The following IL2RA variants were observed in gnomAD, a reference collection of about 807,000 sequenced individuals.
IL2RA encodes the protein interleukin 2 receptor subunit alpha, also known as interleukin-2 receptor subunit alpha.
IL2RA carries 24 observed loss-of-function variants against 37.8 expected under a neutral mutation model. The ratio of observed to expected loss-of-function variants is 0.63; its 90% CI spans 0.46 to 0.89. The LOEUF (loss-of-function observed/expected upper bound fraction) is 0.89, where lower values mean the gene tolerates loss of function less well. Ranked by LOEUF, IL2RA falls within the 40% of genes least tolerant of loss-of-function variation. The pLI is 0.00. For synonymous variants in IL2RA, 125 were observed against 114.6 expected, an observed-to-expected ratio of 1.09 and a Z score of -0.58; for missense variants, 319 against 348.6, an observed-to-expected ratio of 0.92 and a Z score of 0.68.
In IL2RA at chr10:6,019,901, C is replaced by T. The variant is rs367926771; in HGVS notation, c.624G>A (p.Glu208=). 1 of 1,614,206 alleles carries T rather than the reference C, an allele frequency of 6.2e-7. No individual in the cohort carries two copies. Among genetic ancestry groups the T allele is most frequent in the Non-Finnish European group, 8.5e-7 (1 of 1,180,014 alleles). ...KPQASPEGRP[E]SETSCLVTTT... is the part of the protein sequence containing the mutation. Reference sequence around the variant, plus strand: ...TTGTGACGAGGCAGGAAGTCTCACTCTCAGGACGGCCTTCGGGGCTTGCCT... The same window carrying T: ...TTGTGACGAGGCAGGAAGTCTCACTTTCAGGACGGCCTTCGGGGCTTGCCT... The change falls in exon 5 of 8, where the codon GAG becomes GAA. Residue 208 remains glutamate (E), a synonymous_variant. Coordinates refer to ENST00000379959, the MANE Select transcript of IL2RA (RefSeq NM_000417.3).
intron 1 of IL2RA, among the ~76,000 whole-genome samples, chr10:6,053,195 G>T (rs1423726261): frequency 6.6e-6 from 1 of 152,214 alleles, no homozygotes; most frequent in African/African-American, 2.4e-5. Flanking sequence ...AAAAAGGCAG[G>T]TTCTGGAATG....
intron 1 of IL2RA, among the ~76,000 whole-genome samples, chr10:6,032,662 C>T (rs1839617405): frequency 6.7e-6 from 1 of 148,332 alleles, no homozygotes; most frequent in Admixed American, 6.8e-5. Context: ...CACTGCACTC[C>T]AGCCTGGGTG....
Position 6,036,087 on chromosome 10 carries a change from T to A in IL2RA, c.65-10062A>T, listed in dbSNP as rs1026634054. On this transcript the variant is annotated intron_variant, in intron 1 of 7. Transcript: ENST00000379959. The surrounding 1 kb of genome is among the most constrained non-coding windows in gnomAD (Gnocchi z 6.1). Reference sequence around the variant, plus strand: ...GGTCTGGGAGAACAGAGGGTGCAGGTGAAGGGCCCTCGACAATGCTTCTCT... The same window carrying A: ...GGTCTGGGAGAACAGAGGGTGCAGGAGAAGGGCCCTCGACAATGCTTCTCT... 6.6e-6 allele frequency: 1 copy of A among 152,240 alleles called. No homozygotes were observed. The allele number at this position is 152,240 out of a possible 1,614,324, so 9.4% of individuals were successfully genotyped here. A position where few individuals can be genotyped will look rare whatever the true frequency, so the allele number is the denominator to read the frequency against.
intron 1 of IL2RA, among the ~76,000 whole-genome samples, chr10:6,051,817 C>CTATATATTTATATATATATA (rs1403643320): frequency 5.9e-5 from 2 of 33,664 alleles, no homozygotes; most frequent in African/African-American, 1.8e-4. Context: ...TCATGCCCAG[C>CTATATATTTATATATATATA]TATATATATA....
chr10:6,013,109 T>G (rs774629170), intron 7 of IL2RA, among the ~76,000 whole-genome samples: 18 of 152,204 alleles, frequency 1.2e-4, no homozygotes, highest in Non-Finnish European at 1.8e-4. Context: ...ATTACAGGTG[T>G]GAGCCACTGT....
rs181357994 is a variant in IL2RA, at chr10:6,012,411, G to A, written c.*461C>T. 1 of 172,358 alleles carries A rather than the reference G, an allele frequency of 5.8e-6. No homozygotes were observed. The highest frequency in any genetic ancestry group is 5.7e-5 in the Admixed American group (1 of 17,498). The allele number at this position is 172,358 out of a possible 1,614,324, so 10.7% of individuals were successfully genotyped here. On this transcript the variant is annotated 3_prime_UTR_variant, in exon 8 of 8. Transcript: ENST00000379959. This position sits in a 1 kb window ranked among gnomAD's most constrained non-coding sequence, Gnocchi z 4.8. The stretch of plus-strand genomic sequence containing the variant: ...CTGAGAAAGGAACCACGCAGACAAT[G>A]TCCAGTTGTATAGGGTAGAGTGTGT...
Position 6,021,821 on chromosome 10 carries a change from A to G in IL2RA, c.368-128T>C, listed in dbSNP as rs12722694. 9.4e-4 allele frequency: 726 copies of G among 768,620 alleles called. 5 individuals are homozygous for G. In the African/African-American group the frequency reaches 0.011, roughly 11 times the overall value. The allele number at this position is 768,620 out of a possible 1,614,324, so 47.6% of individuals were successfully genotyped here. On this transcript the variant is annotated intron_variant, in intron 3 of 7. Coordinates refer to ENST00000379959, the MANE Select transcript of IL2RA (RefSeq NM_000417.3). The surrounding 1 kb of genome is among the most constrained non-coding windows in gnomAD (Gnocchi z 4.9). ...GACTGCTTGCTCATCCTTTCATTCA[A>G]CCAATATATGTTGAGAACGTCTGAG...
intron 1 of IL2RA, among the ~76,000 whole-genome samples, chr10:6,051,108 G>A (rs1839948157): frequency 6.6e-6 from 1 of 151,532 alleles, no homozygotes; most frequent in South Asian, 2.1e-4. Context: ...AATATAAGGA[G>A]TTTTCTCCTT....
Position 6,018,509 on chromosome 10 carries a change from G to A in IL2RA, c.728-390C>T, listed in dbSNP as rs1397316162. Among the ~76,000 whole-genome samples the A allele has an allele frequency of 6.6e-6, 1 of 152,136 alleles. No homozygotes were observed. The highest frequency in any genetic ancestry group is 1.5e-5 in the Non-Finnish European group (1 of 68,016). On this transcript the variant is annotated intron_variant, in intron 6 of 7. Coordinates refer to ENST00000379959, the MANE Select transcript of IL2RA (RefSeq NM_000417.3). This position sits in a 1 kb window ranked among gnomAD's most constrained non-coding sequence, Gnocchi z 5.1. Reference sequence around the variant, plus strand: ...GGTTTTCCAGATGCTGCTCTGCTGAGGTTTTGGAGGCTGACATTTGTTTAC... The same window carrying A: ...GGTTTTCCAGATGCTGCTCTGCTGAAGTTTTGGAGGCTGACATTTGTTTAC...
In IL2RA at chr10:6,021,639, T is replaced by C. The variant is rs1196655587; in HGVS notation, c.422A>G (p.His141Arg). 1.2e-6 allele frequency: 2 copies of C among 1,614,056 alleles called. No individual in the cohort carries two copies. Among genetic ancestry groups the C allele is most frequent in the Middle Eastern group, 1.6e-4 (1 of 6,062 alleles). ...WENEATERIYHFVVGQMVYYQ... is the reference protein window; with the variant it reads ...WENEATERIYRFVVGQMVYYQ... ...ATAAACCATCTGCCCCACCACGAAA[T>C]GATAAATTCTCTCTGTGGCTTCATT... Residue 141 changes from histidine to arginine, a missense_variant, in exon 4 of 8, where the codon CAT (histidine) becomes CGT (arginine). His to Arg is a conservative substitution (Grantham distance 29). Coordinates refer to ENST00000379959, the MANE Select transcript of IL2RA (RefSeq NM_000417.3). This position sits in a 1 kb window ranked among gnomAD's most constrained non-coding sequence, Gnocchi z 4.9.
At position 6,028,091 on chromosome 10, in the gene IL2RA, G is replaced by A. The variant is rs992671920; in HGVS notation, c.65-2066C>T. The stretch of plus-strand genomic sequence containing the variant: ...ACATGATTTTGGAGGAGGGAAACAC[G>A]TGAGAGGCGCCCACAGTTGCCCTGG... On this transcript the variant is annotated intron_variant, in intron 1 of 7. Transcript: ENST00000379959. The surrounding 1 kb of genome is among the most constrained non-coding windows in gnomAD (Gnocchi z 4.1). Among the ~76,000 whole-genome samples, 6 of 152,120 alleles carry A rather than the reference G, an allele frequency of 3.9e-5. No individual in the cohort carries two copies. The highest frequency in any genetic ancestry group is 1.2e-4 in the African/African-American group (5 of 41,420).
Position 6,018,676 on chromosome 10 carries a change from G to A in IL2RA, c.728-557C>T, listed in dbSNP as rs76140590. Among the ~76,000 whole-genome samples the A allele has an allele frequency of 9.4e-3, 1,429 of 152,262 alleles. 14 individuals carry two copies. The highest frequency in any genetic ancestry group is 0.017 in the Middle Eastern group (5 of 294). On this transcript the variant is annotated intron_variant, in intron 6 of 7. Coordinates refer to ENST00000379959, the MANE Select transcript of IL2RA (RefSeq NM_000417.3). The surrounding 1 kb of genome is among the most constrained non-coding windows in gnomAD (Gnocchi z 5.1). ...ACCCCTGGCAGAGGCCCGGGGTACA[G>A]CCCTTCCAGATCAGCTTGAGAGGAG...
rs1012833283 is a variant in IL2RA at position 6,057,102 on chromosome 10, A to G, written c.64+4986T>C. Among the ~76,000 whole-genome samples, 1 of 152,194 alleles carries G rather than the reference A, an allele frequency of 6.6e-6. No homozygotes were observed. Among genetic ancestry groups the G allele is most frequent in the African/African-American group, 2.4e-5 (1 of 41,446 alleles). On this transcript the variant is annotated intron_variant, in intron 1 of 7. Coordinates refer to ENST00000379959, the MANE Select transcript of IL2RA (RefSeq NM_000417.3). The surrounding 1 kb of genome is among the most constrained non-coding windows in gnomAD (Gnocchi z 4.8). ...ACATATGACTTGTGTTACCATGACTATATCTATGCCTTTCTCCTCCTCACC... is the reference window on the plus strand; with the variant it reads ...ACATATGACTTGTGTTACCATGACTGTATCTATGCCTTTCTCCTCCTCACC...
At chr10:6,049,383 T>G (rs1282093203) in intron 1 of IL2RA, among the ~76,000 whole-genome samples, 4 of 152,144 alleles carry the variant, frequency 2.6e-5, no homozygotes, top group African/African-American at 9.7e-5. Flanking sequence ...AACAAGAAAT[T>G]TACCCAGTCT....
Position 6,036,213 on chromosome 10 carries a change from T to G in IL2RA, c.65-10188A>C, listed in dbSNP as rs1271904555. The G allele has an allele frequency of 6.6e-6, 1 of 152,228 alleles. No individual in the cohort carries two copies. 9.4% of individuals were successfully genotyped at this position (152,228 alleles called of 1,614,324 possible). A position where few individuals can be genotyped will look rare whatever the true frequency, so the allele number is the denominator to read the frequency against. On this transcript the variant is annotated intron_variant, in intron 1 of 7. Transcript: ENST00000379959. The surrounding 1 kb of genome is among the most constrained non-coding windows in gnomAD (Gnocchi z 6.1). ...GGGAAAAGCCAGGCATTTGTAGTCC[T>G]CCTGCCACAGATGACCAGAATGACC... is the stretch of plus-strand genomic sequence containing the variant.
At chr10:6,026,249 C>T (rs1306416101) in intron 1 of IL2RA, among the ~76,000 whole-genome samples, 1 of 152,130 alleles carries the variant, frequency 6.6e-6, no homozygotes, top group African/African-American at 2.4e-5. Flanking sequence ...CTCCAAAGCA[C>T]AATGTATTTC....
intron 1 of IL2RA, 118 bp from the exon 2 acceptor site, chr10:6,026,143 C>T: frequency 9.1e-7 from 1 of 1,093,492 alleles, no homozygotes; most frequent in Non-Finnish European, 1.4e-6. Context: ...ATGGTATGCC[C>T]TACTTTTTGT....
At position 6,054,021 on chromosome 10, in the gene IL2RA, G is replaced by A. The variant is rs894480117; in HGVS notation, c.64+8067C>T. ...CACAGGATGTCAATACTCCTGATCC[G>A]TATCTTGCCTTCCCTCCACCCGTTC... is the stretch of plus-strand genomic sequence containing the variant. On this transcript the variant is annotated intron_variant, in intron 1 of 7. Coordinates refer to ENST00000379959, the MANE Select transcript of IL2RA (RefSeq NM_000417.3). The surrounding 1 kb of genome is among the most constrained non-coding windows in gnomAD (Gnocchi z 4.5). Among the ~76,000 whole-genome samples the A allele has an allele frequency of 1.3e-5, 2 of 152,196 alleles. No individual in the cohort carries two copies. The highest frequency in any genetic ancestry group is 1.3e-4 in the Admixed American group (2 of 15,278).
chr10:6,013,916 T>C (rs1430068670), intron 7 of IL2RA, among the ~76,000 whole-genome samples: 2 of 151,554 alleles, frequency 1.3e-5, no homozygotes, highest in African/African-American at 4.9e-5. Context: ...ACTGCAATCT[T>C]GAACTGCTGG....
Sources: gnomAD v4.1 joint callset for allele counts (sites outside exome capture counted in the v4.1 genomes callset) on GRCh38, gnomAD v4.1.1 for gene constraint, Gnocchi (gnomAD v3.1) non-coding constraint, MANE v1.5 for transcripts, NCBI Gene and HGNC (gene_info 2026-07-23, HGNC 2026-07-21) for gene names.